The following HTR1E variants were observed in gnomAD, a reference collection of about 807,000 sequenced individuals.
HTR1E encodes 5-hydroxytryptamine receptor 1E.
A neutral mutation model predicts 3.4 loss-of-function variants in HTR1E; 3 were observed. That is an observed-to-expected ratio of 0.89 (90% CI 0.41 to 2.31). HTR1E has a LOEUF of 2.31. HTR1E is among the 30% of genes most tolerant of loss of function. HTR1E has a pLI of 0.05. For synonymous variants in HTR1E, 170 were observed against 182.8 expected (o/e 0.93, Z 0.56); for missense variants, 392 against 467.0 (o/e 0.84, Z 1.48).
At chr6:86,966,203 A>T (rs867585629) in intron 1 of HTR1E, among the ~76,000 whole-genome samples, 1 of 152,212 alleles carries the variant, frequency 6.6e-6, no homozygotes, top group African/African-American at 2.4e-5. Context: ...AGAAGAGGGA[A>T]GAAGGAAAAC....
chr6:86,987,712 C>T (rs1217782382), intron 1 of HTR1E, among the ~76,000 whole-genome samples: 1 of 152,108 alleles, frequency 6.6e-6, no homozygotes, highest in African/African-American at 2.4e-5. Context: ...TCTCATAGTT[C>T]TGGAGCCTGA....
At chr6:86,965,054 C>T (rs955422372) in intron 1 of HTR1E, among the ~76,000 whole-genome samples, 2 of 152,148 alleles carry the variant, frequency 1.3e-5, no homozygotes, top group African/African-American at 4.8e-5. Flanking sequence ...CTTTATAGGT[C>T]AAATTCCCTA....
rs896414444 is a variant in HTR1E at position 87,016,354 on chromosome 6, C to T, written c.1020C>T (p.Asn340=). The stretch of plus-strand genomic sequence containing the variant: ...TCGGTTATGTGAATTCTCTGATCAA[C>T]CCTCTGCTCTATACGAGTTTTAATG... ...TWLGYVNSLI[N]PLLYTSFNED... Residue 340 remains asparagine, a synonymous_variant, in exon 2 of 2, where the codon AAC becomes AAT. Transcript: ENST00000305344. 3.1e-6 allele frequency: 5 copies of T among 1,614,012 alleles called. No individual in the cohort carries two copies. Among genetic ancestry groups the T allele is most frequent in the Admixed American group, 1.7e-5 (1 of 59,994 alleles).
At chr6:86,991,270 T>G (rs1767866953) in intron 1 of HTR1E, among the ~76,000 whole-genome samples, 1 of 152,080 alleles carries the variant, frequency 6.6e-6, no homozygotes, top group Non-Finnish European at 1.5e-5. Context: ...AAAGAAGACA[T>G]TAATGCAAAA....
At chr6:86,996,642 A>T (rs1767943229) in intron 1 of HTR1E, among the ~76,000 whole-genome samples, 1 of 152,210 alleles carries the variant, frequency 6.6e-6, no homozygotes, top group Non-Finnish European at 1.5e-5. Flanking sequence ...ACATGTAAAT[A>T]TAACAACTTA....
intron 1 of HTR1E, among the ~76,000 whole-genome samples, chr6:86,965,376 T>C (rs1767458693): frequency 1.3e-5 from 2 of 152,226 alleles, no homozygotes; most frequent in Non-Finnish European, 2.9e-5. Flanking sequence ...CTGAGAACAC[T>C]AGAACTTCTT....
intron 1 of HTR1E, among the ~76,000 whole-genome samples, chr6:87,009,775 AG>A (rs1300447126): frequency 6.7e-5 from 6 of 89,414 alleles, no homozygotes; most frequent in African/African-American, 1.6e-4. Context: ...CTGGCCGGGC[AG>A]GGGGGCTGAC....
chr6:86,975,883 T>C (rs1011847308), intron 1 of HTR1E, among the ~76,000 whole-genome samples: 6 of 150,982 alleles, frequency 4.0e-5, no homozygotes, highest in African/African-American at 1.5e-4. Flanking sequence ...TTATTAAATC[T>C]CACCTTCTCT....
chr6:86,979,219 C>G (rs1444230360), intron 1 of HTR1E, among the ~76,000 whole-genome samples: 1 of 152,190 alleles, frequency 6.6e-6, no homozygotes, highest in Non-Finnish European at 1.5e-5. Context: ...AAAATCACCA[C>G]TAAATTTACA....
intron 1 of HTR1E, among the ~76,000 whole-genome samples, chr6:86,978,050 A>G (rs146594836): frequency 2.0e-5 from 3 of 152,298 alleles, no homozygotes; most frequent in African/African-American, 7.2e-5. Context: ...GATTTATTCC[A>G]TGATTAGTTT....
intron 1 of HTR1E, among the ~76,000 whole-genome samples, chr6:86,973,110 G>A (rs1767583219): frequency 6.6e-6 from 1 of 152,114 alleles, no homozygotes; most frequent in South Asian, 2.1e-4. Flanking sequence ...TTACTATTTA[G>A]TAGGAGGATT....
chr6:86,946,046 A>G (rs892062317), intron 1 of HTR1E, among the ~76,000 whole-genome samples: 2 of 152,208 alleles, frequency 1.3e-5, no homozygotes, highest in African/African-American at 4.8e-5. Context: ...GCCTAATTAA[A>G]AAGTTTATAA....
intron 1 of HTR1E, among the ~76,000 whole-genome samples, chr6:86,993,491 C>G (rs1767897184): frequency 6.6e-6 from 1 of 150,812 alleles, no homozygotes; most frequent in South Asian, 2.1e-4. Flanking sequence ...AACTATTATT[C>G]GTGTAGGAGT....
chr6:86,994,789 G>A (rs1767913083), intron 1 of HTR1E, among the ~76,000 whole-genome samples: 1 of 151,992 alleles, frequency 6.6e-6, no homozygotes, highest in South Asian at 2.1e-4. Context: ...GTCTGATGTG[G>A]TTCTCAGTGG....
chr6:87,014,824 G>C (rs1768293271), intron 1 of HTR1E, among the ~76,000 whole-genome samples: 1 of 152,150 alleles, frequency 6.6e-6, no homozygotes, highest in Non-Finnish European at 1.5e-5. Context: ...GGCTAGGGGA[G>C]GGATGGCATT....
At chr6:86,996,107 T>C (rs968175400) in intron 1 of HTR1E, among the ~76,000 whole-genome samples, 1 of 152,044 alleles carries the variant, frequency 6.6e-6, no homozygotes, top group African/African-American at 2.4e-5. Flanking sequence ...AAACCAAAAA[T>C]ACCATCAACC....
At position 87,015,896 on chromosome 6, in the gene HTR1E, C is replaced by T. The variant is rs897047583; in HGVS notation, c.562C>T (p.Leu188=). The change falls in exon 2 of 2, where the codon CTG becomes TTG. Residue 188 remains leucine, a synonymous_variant. Coordinates refer to ENST00000305344, the MANE Select transcript of HTR1E (RefSeq NM_000865.3). ...TGTTATCTACACCATTTACTCCACG[C>T]TGGGTGCGTTTTATATCCCCTTGAC... The part of the protein sequence containing the change: ...DHVIYTIYST[L]GAFYIPLTLI... The T allele has an allele frequency of 1.9e-6, 3 of 1,613,304 alleles. No individual in the cohort carries two copies. The highest frequency in any genetic ancestry group is 3.3e-5 in the Admixed American group (2 of 59,968).
intron 1 of HTR1E, among the ~76,000 whole-genome samples, chr6:86,986,268 AT>A (rs1463565771): frequency 2.4e-4 from 37 of 152,314 alleles, no homozygotes; most frequent in African/African-American, 8.7e-4. Flanking sequence ...AGAAAAGTTT[AT>A]ATCACTACCT....
At chr6:86,997,802 T>C (rs2127829400) in intron 1 of HTR1E, among the ~76,000 whole-genome samples, 1 of 151,876 alleles carries the variant, frequency 6.6e-6, no homozygotes, top group Non-Finnish European at 1.5e-5. Flanking sequence ...AAGCAGAGGA[T>C]GTCAGACTGG....
Sources: gnomAD v4.1 joint callset for allele counts (sites outside exome capture counted in the v4.1 genomes callset) on GRCh38, gnomAD v4.1.1 for gene constraint, MANE v1.5 for transcripts, NCBI Gene and HGNC (gene_info 2026-07-23, HGNC 2026-07-21) for gene names.